ARHGAP8: variants seen among roughly 807,000 people sequenced by gnomAD.
ARHGAP8 encodes the protein rho GTPase-activating protein 8.
In ARHGAP8, 62 loss-of-function variants were observed where a neutral mutation model predicts 46.1. That is an observed-to-expected ratio of 1.34 (90% CI 1.10 to 1.66). ARHGAP8 has a LOEUF of 1.66. Ranked by LOEUF, ARHGAP8 falls within the 40% of genes most tolerant of loss-of-function variation. The pLI, the probability that ARHGAP8 is intolerant of heterozygous loss-of-function variation, is 0.00. For synonymous variants in ARHGAP8, 375 were observed against 243.1 expected (o/e 1.54, Z -5.05); for missense variants, 923 against 568.4 (o/e 1.62, Z -6.34).
At chr22:44,778,717 A>G (rs1926601879) in intron 1 of ARHGAP8, among the ~76,000 whole-genome samples, 1 of 152,160 alleles carries the variant, frequency 6.6e-6, no homozygotes, top group African/African-American at 2.4e-5. Context: ...GATTATGGCC[A>G]TTCTTCCTTC....
intron 6 of ARHGAP8, among the ~76,000 whole-genome samples, chr22:44,824,733 A>G (rs374058354): frequency 7.3e-4 from 110 of 151,152 alleles, no homozygotes; most frequent in Admixed American, 1.9e-3. Flanking sequence ...CCTGGGTTCA[A>G]GTGATTCTCC....
chr22:44,859,544 T>G (rs942529646), intron 10 of ARHGAP8, 187 bp from the exon 11 acceptor site: 6 of 614,214 alleles, frequency 9.8e-6, no homozygotes, highest in African/African-American at 9.3e-5. Context: ...TCAGCAAGAA[T>G]AGCCAAACAC....
At chr22:44,785,018 C>G (rs1927112604) in intron 1 of ARHGAP8, among the ~76,000 whole-genome samples, 1 of 152,180 alleles carries the variant, frequency 6.6e-6, no homozygotes, top group African/African-American at 2.4e-5. Flanking sequence ...GTAAACACCC[C>G]AAGGACTGGG....
intron 1 of ARHGAP8, among the ~76,000 whole-genome samples, chr22:44,769,154 G>A (rs1008398850): frequency 6.6e-6 from 1 of 152,206 alleles, no homozygotes. Flanking sequence ...GCTCTGGGCT[G>A]TGTTTTTCCC....
At position 44,859,679 on chromosome 22, in the gene ARHGAP8, G is replaced by A. The variant is rs538223054; in HGVS notation, c.878-52G>A. ...TGTTCTCCTCCCGGGCCGGGATGCAGCGCTGCCCCTGGCCCCTCTGGAGCT... is the reference window on the plus strand; with the variant it reads ...TGTTCTCCTCCCGGGCCGGGATGCAACGCTGCCCCTGGCCCCTCTGGAGCT... On this transcript the variant is annotated intron_variant, in intron 10 of 11. Transcript: ENST00000356099. The A allele has an allele frequency of 2.5e-6, 4 of 1,595,646 alleles. No individual in the cohort carries two copies. The South Asian group carries it at 3.3e-5, about 13-fold the overall frequency.
chr22:44,857,254 T>A (rs747358104), intron 10 of ARHGAP8, among the ~76,000 whole-genome samples: 12 of 152,118 alleles, frequency 7.9e-5, no homozygotes, highest in Admixed American at 1.3e-4. Flanking sequence ...GTAAGAATTC[T>A]TTCTTTTGGC....
chr22:44,831,402 A>G (rs536876047), intron 7 of ARHGAP8, among the ~76,000 whole-genome samples: 1 of 152,282 alleles, frequency 6.6e-6, no homozygotes, highest in South Asian at 2.1e-4. Context: ...ACTTGTTGAA[A>G]AGACTTTTCC....
intron 7 of ARHGAP8, among the ~76,000 whole-genome samples, chr22:44,841,993 C>A (rs1244876708): frequency 6.6e-6 from 1 of 152,218 alleles, no homozygotes; most frequent in Non-Finnish European, 1.5e-5. Context: ...AAATCTGCTT[C>A]TCATCCTCCC....
intron 7 of ARHGAP8, among the ~76,000 whole-genome samples, chr22:44,831,699 C>CA (rs35282580): frequency 0.13 from 19,322 of 151,812 alleles, 1,576 homozygotes; most frequent in East Asian, 0.32. Flanking sequence ...AAGTCATCTC[C>CA]AAAAAAAGAA....
At chr22:44,822,309 C>T (rs1423475821) in intron 5 of ARHGAP8, 62 bp from the exon 6 acceptor site, 1 of 1,446,126 alleles carries the variant, frequency 6.9e-7, no homozygotes. Context: ...TCCCTCCCTG[C>T]AACCCTCGGC....
chr22:44,840,990 C>G (rs552744135), intron 7 of ARHGAP8, among the ~76,000 whole-genome samples: 45 of 152,336 alleles, frequency 3.0e-4, no homozygotes, highest in African/African-American at 9.6e-4. Context: ...GCACTGCCAG[C>G]TCCATGGCCC....
intron 5 of ARHGAP8, among the ~76,000 whole-genome samples, chr22:44,821,658 G>C (rs567790421): frequency 6.6e-6 from 1 of 152,346 alleles, no homozygotes; most frequent in African/African-American, 2.4e-5. Context: ...CAGCGAGCAT[G>C]TCCACCAGAC....
intron 10 of ARHGAP8, among the ~76,000 whole-genome samples, chr22:44,856,113 ATC>A (rs1415749910): frequency 2.6e-5 from 4 of 151,968 alleles, no homozygotes; most frequent in Non-Finnish European, 4.4e-5. Flanking sequence ...TTTATGAGAA[ATC>A]TGTCCCCATG....
At chr22:44,844,281 A>T (rs115325670) in intron 7 of ARHGAP8, among the ~76,000 whole-genome samples, 3 of 152,076 alleles carry the variant, frequency 2.0e-5, no homozygotes, top group Non-Finnish European at 2.9e-5. Context: ...CATCTAATAT[A>T]TTAATAGAGG....
At chr22:44,852,173 CAG>C (rs1034159908) in intron 10 of ARHGAP8, among the ~76,000 whole-genome samples, 7 of 110,946 alleles carry the variant, frequency 6.3e-5, no homozygotes, top group African/African-American at 2.7e-4. Flanking sequence ...GCCTGGGCGA[CAG>C]AGTGAGACTT....
Position 44,862,325 on chromosome 22 carries a change from T to C in ARHGAP8, c.1032T>C (p.Cys344=). 1 of 1,613,814 alleles carries C rather than the reference T, an allele frequency of 6.2e-7. No homozygotes were observed. Among genetic ancestry groups the C allele is most frequent in the Non-Finnish European group, 8.5e-7 (1 of 1,179,816 alleles). The part of the protein sequence containing the change: ...FNKMNSSNLA[C]VFGLNLIWPS... ...AAATGAACAGCTCTAACCTGGCCTG[T>C]GTCTTCGGGCTGAATTTGATCTGGC... Residue 344 remains cysteine (C), a synonymous_variant, in exon 12 of 12, where the codon TGT becomes TGC. Transcript: ENST00000356099.
intron 2 of ARHGAP8, among the ~76,000 whole-genome samples, chr22:44,792,438 C>A (rs192257500): frequency 1.3e-5 from 2 of 152,174 alleles, no homozygotes; most frequent in East Asian, 1.9e-4. Flanking sequence ...GCATCAGCTT[C>A]GTTCTCTCGT....
At chr22:44,786,650 G>A (rs1421044620) in intron 2 of ARHGAP8, 44 bp downstream of exon 2, 2 of 1,582,192 alleles carry the variant, frequency 1.3e-6, no homozygotes, top group African/African-American at 1.3e-5. Context: ...GGGCAGAGCA[G>A]CCTTCCTCTC....
rs560072352 is a variant in ARHGAP8 at position 44,812,999 on chromosome 22, C to G, written c.300-1673C>G. 9.2e-5 allele frequency among the ~76,000 whole-genome samples: 14 copies of G among 152,254 alleles called. No individual in the cohort carries two copies. In the South Asian group the frequency reaches 2.9e-3, roughly 32 times the overall value. On this transcript the variant is annotated intron_variant, in intron 4 of 11. Coordinates refer to ENST00000356099, the MANE Select transcript of ARHGAP8 (RefSeq NM_181335.3). ...CTCCCAGGTCCTTCTGACACTCCCC[C>G]TCACTCTTTGAGTGCTTCCTTTACT...
Sources: gnomAD v4.1 joint callset for allele counts (sites outside exome capture counted in the v4.1 genomes callset) on GRCh38, gnomAD v4.1.1 for gene constraint, MANE v1.5 for transcripts, NCBI Gene and HGNC (gene_info 2026-07-23, HGNC 2026-07-21) for gene names.